The following MTSS1 variants were observed in gnomAD, a reference collection of about 807,000 sequenced individuals.
The protein encoded by MTSS1 is MTSS I-BAR domain containing 1, also known as protein MTSS 1.
MTSS1 carries 18 observed loss-of-function variants against 79.0 expected under a neutral mutation model. The observed-to-expected ratio is 0.23, with a 90% confidence interval of 0.16 to 0.34. The LOEUF is 0.34. MTSS1 is among the 10% of genes least tolerant of loss of function. The pLI is 1.00. For synonymous variants in MTSS1, 341 were observed against 368.6 expected, an observed-to-expected ratio of 0.93 and a Z score of 0.86; for missense variants, 815 against 986.2, an observed-to-expected ratio of 0.83 and a Z score of 2.33.
At chr8:124,596,095 A>G (rs535644485) in intron 3 of MTSS1, among the ~76,000 whole-genome samples, 20 of 152,334 alleles carry the variant, frequency 1.3e-4, no homozygotes, top group African/African-American at 4.1e-4. Flanking sequence ...CAGAAGAGAA[A>G]GGGCCTGAGT....
chr8:124,720,555 A>G (rs1311580780), intron 1 of MTSS1, among the ~76,000 whole-genome samples: 1 of 152,190 alleles, frequency 6.6e-6, no homozygotes, highest in Non-Finnish European at 1.5e-5. Flanking sequence ...TTCCCTAATA[A>G]ACAAACAGTA....
Position 124,556,362 on chromosome 8 carries a change from G to C in MTSS1, c.1274C>G (p.Thr425Ser). 6.2e-7 allele frequency: 1 copy of C among 1,614,110 alleles called. No individual in the cohort carries two copies. The highest frequency in any genetic ancestry group is 2.2e-5 in the East Asian group (1 of 44,872). Residue 425 changes from threonine to serine, a missense_variant, in exon 12 of 14, where the codon ACC (threonine) becomes AGC (serine). Thr to Ser is a moderately conservative substitution (Grantham distance 58). Transcript: ENST00000518547. ...PGPYDQPLVN[T>S]LQRRKEKREP... ...TCGCTTCTCTTTGCGGCGCTGCAGGGTGTTCACCAGAGGCTGGTCATAGGG... is the reference window on the plus strand; with the variant it reads ...TCGCTTCTCTTTGCGGCGCTGCAGGCTGTTCACCAGAGGCTGGTCATAGGG...
At chr8:124,720,512 A>G (rs1223288530) in intron 1 of MTSS1, among the ~76,000 whole-genome samples, 1 of 152,242 alleles carries the variant, frequency 6.6e-6, no homozygotes, top group Admixed American at 6.5e-5. Flanking sequence ...TATCTGACTT[A>G]CAAATGTCCT....
At chr8:124,605,509 G>A (rs1379635957) in intron 3 of MTSS1, among the ~76,000 whole-genome samples, 1 of 150,924 alleles carries the variant, frequency 6.6e-6, no homozygotes, top group East Asian at 2.0e-4. Context: ...CAAAGGGATG[G>A]CTCTAAGCTG....
chr8:124,659,766 T>C (rs74805179), intron 3 of MTSS1, among the ~76,000 whole-genome samples: 3,011 of 152,312 alleles, frequency 0.02, 46 homozygotes, highest in South Asian at 0.074. Flanking sequence ...CCTGGGCCGC[T>C]CCGCTCCCAC....
intron 1 of MTSS1, among the ~76,000 whole-genome samples, chr8:124,726,615 T>G (rs1588021331): frequency 6.6e-6 from 1 of 152,164 alleles, no homozygotes; most frequent in Admixed American, 6.5e-5. Flanking sequence ...TTCTGAAAGG[T>G]GGAAGCAGGC....
chr8:124,641,921 ATT>A (rs953115351), intron 3 of MTSS1, among the ~76,000 whole-genome samples: 14 of 152,074 alleles, frequency 9.2e-5, no homozygotes, highest in African/African-American at 3.4e-4. Flanking sequence ...CTTCCCGCCA[ATT>A]GTGGTTATTA....
chr8:124,558,962 A>G (rs948825645), intron 10 of MTSS1: 1 of 1,253,100 alleles, frequency 8.0e-7, no homozygotes, highest in Non-Finnish European at 1.1e-6. Context: ...AGAGACAGAC[A>G]TATACACAGA....
At position 124,665,356 on chromosome 8, in the gene MTSS1, C is replaced by T. The variant is rs10102507; in HGVS notation, c.208+34170G>A. Among the ~76,000 whole-genome samples, 1,324 of 152,294 alleles carry T rather than the reference C, an allele frequency of 8.7e-3. 20 individuals carry two copies. The highest frequency in any genetic ancestry group is 0.03 in the African/African-American group (1,228 of 41,564). ...CTGCCTTCTCTCCTTTTTCCATCTC[C>T]GCAGACCTGAGTTCGTAACATTTCA... On this transcript the variant is annotated intron_variant, in intron 3 of 13. Coordinates refer to ENST00000518547, the MANE Select transcript of MTSS1 (RefSeq NM_014751.6).
chr8:124,710,554 G>A (rs1250176125), intron 1 of MTSS1, among the ~76,000 whole-genome samples: 1 of 152,182 alleles, frequency 6.6e-6, no homozygotes, highest in Non-Finnish European at 1.5e-5. Context: ...CCCATGGCAG[G>A]CCATTTGCCT....
intron 10 of MTSS1, among the ~76,000 whole-genome samples, chr8:124,560,176 A>C (rs1477559536): frequency 2.0e-5 from 3 of 150,410 alleles, no homozygotes; most frequent in Non-Finnish European, 4.4e-5. Flanking sequence ...ATTTGTGCCA[A>C]TTCCCAGTCG....
At chr8:124,696,262 C>A (rs1297990749) in intron 3 of MTSS1, among the ~76,000 whole-genome samples, 1 of 152,136 alleles carries the variant, frequency 6.6e-6, no homozygotes, top group Admixed American at 6.6e-5. Flanking sequence ...GCTGGGATTA[C>A]AGGTGTGAGC....
intron 6 of MTSS1, among the ~76,000 whole-genome samples, chr8:124,584,269 C>T (rs1830491262): frequency 6.6e-6 from 1 of 152,216 alleles, no homozygotes; most frequent in Non-Finnish European, 1.5e-5. Context: ...GTAAACACCA[C>T]CCACAGAGCA....
chr8:124,576,811 T>C lies in MTSS1; in HGVS notation c.461-8275A>G, dbSNP rs181324525. Among the ~76,000 whole-genome samples, 7 of 152,348 alleles carry C rather than the reference T, an allele frequency of 4.6e-5. No individual in the cohort carries two copies. In the East Asian group the frequency reaches 1.2e-3, roughly 25 times the overall value. On this transcript the variant is annotated intron_variant, in intron 6 of 13. Transcript: ENST00000518547. ...ATCCCGTTAGTGTTCTCTAGGGAGA[T>C]GAAAACCATATTATGCAAGGAATAA...
In MTSS1 at chr8:124,727,590, G is replaced by A. The variant is rs1426184753; in HGVS notation, c.72+294C>T. On this transcript the variant is annotated intron_variant, in intron 1 of 13. Coordinates refer to ENST00000518547, the MANE Select transcript of MTSS1 (RefSeq NM_014751.6). The surrounding 1 kb of genome is among the most constrained non-coding windows in gnomAD (Gnocchi z 4.7). Reference sequence around the variant, plus strand: ...GGGACAGACAATGGGAAAACTTGCAGCCAGTGCCTTGAGCCCCCGAGGGAA... The same window carrying A: ...GGGACAGACAATGGGAAAACTTGCAACCAGTGCCTTGAGCCCCCGAGGGAA... The A allele has an allele frequency of 1.0e-5, 6 of 574,268 alleles. No homozygotes were observed. The highest frequency in any genetic ancestry group is 1.9e-5 in the African/African-American group (1 of 53,810). 35.6% of individuals were successfully genotyped at this position (574,268 alleles called of 1,614,324 possible). A position where few individuals can be genotyped will look rare whatever the true frequency, so the allele number is the denominator to read the frequency against.
chr8:124,683,279 A>C lies in MTSS1; in HGVS notation c.208+16247T>G, dbSNP rs1221865673. Among the ~76,000 whole-genome samples the C allele has an allele frequency of 6.6e-6, 1 of 152,236 alleles. No individual in the cohort carries two copies. Among genetic ancestry groups the C allele is most frequent in the Non-Finnish European group, 1.5e-5 (1 of 68,036 alleles). ...AAAAAAATGAAATTTAAAAAATGGAAGAAAAACAATGACCCCAAAATCCTC... is the reference window on the plus strand; with the variant it reads ...AAAAAAATGAAATTTAAAAAATGGACGAAAAACAATGACCCCAAAATCCTC... On this transcript the variant is annotated intron_variant, in intron 3 of 13. Transcript: ENST00000518547. The surrounding 1 kb of genome is among the most constrained non-coding windows in gnomAD (Gnocchi z 4.5).
chr8:124,589,737 G>A, intron 4 of MTSS1, 26 bp from the exon 5 acceptor site: 4 of 1,482,072 alleles, frequency 2.7e-6, no homozygotes, highest in Non-Finnish European at 3.8e-6. Context: ...GGGGAAAAAG[G>A]GAGAAATTAA....
At chr8:124,696,458 T>A (rs2135347566) in intron 3 of MTSS1, among the ~76,000 whole-genome samples, 1 of 152,238 alleles carries the variant, frequency 6.6e-6, no homozygotes, top group African/African-American at 2.4e-5. Context: ...ATTTGAGAGT[T>A]CTCACACTCC....
rs929859145 is a variant in MTSS1, at chr8:124,687,436, C to T, written c.208+12090G>A. 4.6e-5 allele frequency among the ~76,000 whole-genome samples: 7 copies of T among 152,140 alleles called. No homozygotes were observed. The East Asian group carries it at 1.3e-3, about 29-fold the overall frequency. On this transcript the variant is annotated intron_variant, in intron 3 of 13. Coordinates refer to ENST00000518547, the MANE Select transcript of MTSS1 (RefSeq NM_014751.6). ...AAGTATCACTCTCCTAATCAGCATC[C>T]CCTTTAAGCAAGCACAGATGGCAAT... is the stretch of plus-strand genomic sequence containing the variant.
Sources: allele counts gnomAD v4.1 joint callset (sites outside exome capture counted in the v4.1 genomes callset), GRCh38; gene constraint gnomAD v4.1.1; non-coding constraint Gnocchi (gnomAD v3.1); transcripts MANE v1.5; gene names NCBI Gene and HGNC (gene_info 2026-07-23, HGNC 2026-07-21).